The following NGEF variants were observed in gnomAD, a reference collection of about 807,000 sequenced individuals.
The protein encoded by NGEF is neuronal guanine nucleotide exchange factor.
In NGEF, 31 loss-of-function variants were observed where a neutral mutation model predicts 80.9. The observed-to-expected ratio is 0.38, with a 90% CI of 0.29 to 0.52. The LOEUF (loss-of-function observed/expected upper bound fraction) is 0.52, where lower values mean the gene tolerates loss of function less well. Ranked by LOEUF, NGEF falls within the 20% of genes least tolerant of loss-of-function variation. NGEF has a pLI of 0.84. For synonymous variants in NGEF, 371 were observed against 370.2 expected (o/e 1.00, Z -0.03); for missense variants, 709 against 926.2 (o/e 0.77, Z 3.04).
At chr2:232,943,109 T>C (rs754218985) in intron 3 of NGEF, among the ~76,000 whole-genome samples, 2 of 152,138 alleles carry the variant, frequency 1.3e-5, no homozygotes, top group Non-Finnish European at 1.5e-5. Flanking sequence ...TAGGCCTGCT[T>C]CTCTGTTTAG....
chr2:232,983,702 C>T (rs755468499), intron 1 of NGEF, among the ~76,000 whole-genome samples: 17 of 152,240 alleles, frequency 1.1e-4, no homozygotes, highest in Admixed American at 5.2e-4. Context: ...CACTGTGCCC[C>T]GGTCTCGGTC....
chr2:232,981,896 A>G (rs1357261018), intron 1 of NGEF, among the ~76,000 whole-genome samples: 1 of 152,214 alleles, frequency 6.6e-6, no homozygotes, highest in Non-Finnish European at 1.5e-5. Context: ...GCTCGGGAAC[A>G]GGCCCCTCTA....
At chr2:233,001,906 T>C (rs1694986949) in intron 1 of NGEF, among the ~76,000 whole-genome samples, 1 of 152,156 alleles carries the variant, frequency 6.6e-6, no homozygotes, top group Middle Eastern at 3.4e-3. Flanking sequence ...TTGCAGCTAC[T>C]TGGGAGGCTG....
At chr2:232,881,435 G>A (rs763021024) in intron 13 of NGEF, among the ~76,000 whole-genome samples, 185 bp from the exon 14 acceptor site, 1 of 152,144 alleles carries the variant, frequency 6.6e-6, no homozygotes, top group Non-Finnish European at 1.5e-5. Flanking sequence ...AGGAGTTCTG[G>A]GAAGAAATAC....
chr2:232,936,611 T>C (rs1693328879), intron 3 of NGEF, among the ~76,000 whole-genome samples: 1 of 152,134 alleles, frequency 6.6e-6, no homozygotes. Context: ...AAGGCACAGG[T>C]GGGCATCTCT....
At chr2:233,003,932 A>G (rs1695034308) in intron 1 of NGEF, among the ~76,000 whole-genome samples, 2 of 152,030 alleles carry the variant, frequency 1.3e-5, no homozygotes, top group South Asian at 2.1e-4. Flanking sequence ...TGGCCCCTGA[A>G]TTGCCTTTTT....
chr2:232,918,603 A>G (rs1692861795), intron 5 of NGEF, among the ~76,000 whole-genome samples: 1 of 142,706 alleles, frequency 7.0e-6, no homozygotes, highest in South Asian at 2.3e-4. Context: ...ACATGTGTTT[A>G]GGTTCTACTA....
intron 1 of NGEF, among the ~76,000 whole-genome samples, chr2:232,980,997 G>A (rs756327426): frequency 6.6e-6 from 1 of 151,788 alleles, no homozygotes; most frequent in Non-Finnish European, 1.5e-5. Context: ...GAGAAGGACT[G>A]GCACCAGTAG....
intron 1 of NGEF, among the ~76,000 whole-genome samples, chr2:233,005,308 G>A (rs975575469): frequency 6.6e-6 from 1 of 152,176 alleles, no homozygotes; most frequent in Admixed American, 6.5e-5. Flanking sequence ...GAGTGCAGTG[G>A]GGGAGCAGTG....
chr2:232,904,348 C>T (rs1278130633), intron 5 of NGEF, among the ~76,000 whole-genome samples: 1 of 152,146 alleles, frequency 6.6e-6, no homozygotes, highest in Non-Finnish European at 1.5e-5. Context: ...CCTGCCTCAG[C>T]CTCCCGAGTA....
intron 1 of NGEF, among the ~76,000 whole-genome samples, chr2:232,980,069 G>A (rs1426305825): frequency 1.3e-5 from 2 of 152,184 alleles, no homozygotes; most frequent in African/African-American, 4.8e-5. Flanking sequence ...GGGGACCTGT[G>A]ATGTGGTCAA....
intron 1 of NGEF, among the ~76,000 whole-genome samples, chr2:232,976,472 G>C (rs1017515165): frequency 3.3e-5 from 5 of 152,114 alleles, no homozygotes; most frequent in African/African-American, 1.2e-4. Flanking sequence ...CAGGAGGTTG[G>C]GTTTCCCCTA....
At chr2:232,916,012 A>G (rs1279617813) in intron 5 of NGEF, among the ~76,000 whole-genome samples, 2 of 152,164 alleles carry the variant, frequency 1.3e-5, no homozygotes, top group Admixed American at 6.5e-5. Flanking sequence ...CTTTTTGTCT[A>G]GTTCATAACA....
At chr2:232,977,344 A>G (rs1462719721) in intron 1 of NGEF, among the ~76,000 whole-genome samples, 1 of 152,118 alleles carries the variant, frequency 6.6e-6, no homozygotes, top group East Asian at 1.9e-4. Context: ...CCCAGAGACA[A>G]TGATGGCCTT....
At chr2:232,988,367 T>G (rs893464691) in intron 1 of NGEF, among the ~76,000 whole-genome samples, 8 of 152,216 alleles carry the variant, frequency 5.3e-5, no homozygotes, top group African/African-American at 9.6e-5. Context: ...CTTAAAATCT[T>G]GTGAAAGGAT....
At chr2:232,908,288 T>G (rs78524710) in intron 5 of NGEF, among the ~76,000 whole-genome samples, 18,534 of 152,226 alleles carry the variant, frequency 0.12, 1,284 homozygotes, top group South Asian at 0.27. Context: ...CTGATTATTT[T>G]GCAAGATAAA....
rs1453266142 is a variant in NGEF, at chr2:232,963,133, C to A, written c.383+7081G>T. Among the ~76,000 whole-genome samples the A allele has an allele frequency of 2.0e-5, 3 of 151,816 alleles. 1 individual carries two copies. The highest frequency in any genetic ancestry group is 7.3e-5 in the African/African-American group (3 of 41,168). On this transcript the variant is annotated intron_variant, in intron 3 of 14. Coordinates refer to ENST00000264051, the MANE Select transcript of NGEF (RefSeq NM_019850.3). ...GAACAAAGTAGGAGGGTTTACACTA[C>A]CAGATTTTAAGATTAAGCATAAAGC...
At chr2:233,000,053 G>A (rs906480717) in intron 1 of NGEF, among the ~76,000 whole-genome samples, 2 of 152,202 alleles carry the variant, frequency 1.3e-5, no homozygotes, top group African/African-American at 4.8e-5. Flanking sequence ...AAGACCAGGG[G>A]TCCAGCATGG....
Position 232,879,202 on chromosome 2 carries a change from C to T in NGEF, c.*287G>A. 1 of 330,828 alleles carries T rather than the reference C, an allele frequency of 3.0e-6. No homozygotes were observed. Among genetic ancestry groups the T allele is most frequent in the Non-Finnish European group, 5.6e-6 (1 of 178,526 alleles). 20.5% of individuals were successfully genotyped at this position (330,828 alleles called of 1,614,324 possible). A position where few individuals can be genotyped will look rare whatever the true frequency, so the allele number is the denominator to read the frequency against. On this transcript the variant is annotated 3_prime_UTR_variant, in exon 15 of 15. Transcript: ENST00000264051. ...GGCATGGGGGGCCCTGGAGTGTGCC[C>T]ACCCCCTTCCACCCCCTCGGAGGCA... is the stretch of plus-strand genomic sequence containing the variant.
Sources: allele counts gnomAD v4.1 joint callset (sites outside exome capture counted in the v4.1 genomes callset), GRCh38; gene constraint gnomAD v4.1.1; transcripts MANE v1.5; gene names NCBI Gene and HGNC (gene_info 2026-07-23, HGNC 2026-07-21).